Variants in PPM1G observed in about 807,000 individuals in gnomAD.
PPM1G encodes the protein protein phosphatase, Mg2+/Mn2+ dependent 1G.
PPM1G carries 12 observed loss-of-function variants against 59.4 expected under a neutral mutation model. The ratio of observed to expected loss-of-function variants is 0.20; its 90% CI spans 0.13 to 0.33. The LOEUF (loss-of-function observed/expected upper bound fraction) is 0.33, where lower values mean the gene tolerates loss of function less well. Ranked by LOEUF, PPM1G falls within the 10% of genes least tolerant of loss-of-function variation. The pLI is 1.00. For missense variants in PPM1G, 392 were observed against 681.3 expected, an observed-to-expected ratio of 0.58 and a Z score of 4.73; for synonymous variants, 245 against 251.9, an observed-to-expected ratio of 0.97 and a Z score of 0.26.
At chr2:27,392,782 G>C in intron 1 of PPM1G, 1 of 1,460,968 alleles carries the variant, frequency 6.8e-7, no homozygotes, top group Non-Finnish European at 9.5e-7. Flanking sequence ...TTAGCCTGAG[G>C]CTTAGCTTTC....
Position 27,384,171 on chromosome 2 carries a change from G to T in PPM1G, c.826-79C>A. ...CACAGCTCATACTCAGAATCAAGAG[G>T]TCCTGACTGAACACAGGTCCTCAAA... On this transcript the variant is annotated intron_variant, in intron 5 of 9. Coordinates refer to ENST00000344034, the MANE Select transcript of PPM1G (RefSeq NM_177983.3). This position sits in a 1 kb window ranked among gnomAD's most constrained non-coding sequence, Gnocchi z 4.8. 1 of 1,594,560 alleles carries T rather than the reference G, an allele frequency of 6.3e-7. No individual in the cohort carries two copies. The highest frequency in any genetic ancestry group is 8.5e-7 in the Non-Finnish European group (1 of 1,171,344).
intron 3 of PPM1G, 136 bp from the exon 4 acceptor site, chr2:27,386,015 G>A (rs1683755910): frequency 7.7e-7 from 1 of 1,302,390 alleles, no homozygotes; most frequent in Non-Finnish European, 1.1e-6. Flanking sequence ...ACAGCTCAGA[G>A]GCCTAGGAAT....
chr2:27,400,766 TG>T (rs1485584202), intron 1 of PPM1G, among the ~76,000 whole-genome samples: 1 of 152,136 alleles, frequency 6.6e-6, no homozygotes, highest in Non-Finnish European at 1.5e-5. Context: ...CAGAAACAAA[TG>T]GGAGTGCCTA....
intron 1 of PPM1G, among the ~76,000 whole-genome samples, chr2:27,388,825 A>C (rs1369122681): frequency 1.3e-5 from 2 of 150,794 alleles, no homozygotes; most frequent in Non-Finnish European, 2.9e-5. Context: ...CAGTGAGCCG[A>C]GATTGCGCCA....
At chr2:27,388,834 C>A (rs1355937472) in intron 1 of PPM1G, among the ~76,000 whole-genome samples, 6 of 149,980 alleles carry the variant, frequency 4.0e-5, no homozygotes, top group African/African-American at 1.5e-4. Context: ...GAGATTGCGC[C>A]ACTGCACTCC....
chr2:27,397,377 A>C (rs1009945998), intron 1 of PPM1G, among the ~76,000 whole-genome samples: 1 of 152,156 alleles, frequency 6.6e-6, no homozygotes. Flanking sequence ...AAACCAGACA[A>C]AGACATCACA....
chr2:27,382,653 C>T lies in PPM1G; in HGVS notation c.1202-48G>A, dbSNP rs777274430. On this transcript the variant is annotated intron_variant, in intron 7 of 9. Coordinates refer to ENST00000344034, the MANE Select transcript of PPM1G (RefSeq NM_177983.3). The surrounding 1 kb of genome is among the most constrained non-coding windows in gnomAD (Gnocchi z 4.2). Reference sequence around the variant, plus strand: ...GAGCAGTTTGGATACTTCCCACAGACTTGTGTTTGTGGCAGGTCAAACCTT... The same window carrying T: ...GAGCAGTTTGGATACTTCCCACAGATTTGTGTTTGTGGCAGGTCAAACCTT... The T allele has an allele frequency of 1.2e-6, 2 of 1,609,246 alleles. No homozygotes were observed. The highest frequency in any genetic ancestry group is 1.1e-5 in the South Asian group (1 of 90,664).
Position 27,385,411 on chromosome 2 carries a change from G to A in PPM1G, c.410-323C>T, listed in dbSNP as rs1274027736. 9.5e-6 allele frequency: 4 copies of A among 419,006 alleles called. No individual in the cohort carries two copies. The highest frequency in any genetic ancestry group is 2.0e-5 in the African/African-American group (1 of 48,948). 26.0% of individuals were successfully genotyped at this position (419,006 alleles called of 1,614,324 possible). A position where few individuals can be genotyped will look rare whatever the true frequency, so the allele number is the denominator to read the frequency against. ...AAGCCCACAATGCTACTGTGAATTAGGATTTAGGCTTAATGATTGGCTATT... is the reference window on the plus strand; with the variant it reads ...AAGCCCACAATGCTACTGTGAATTAAGATTTAGGCTTAATGATTGGCTATT... On this transcript the variant is annotated intron_variant, in intron 4 of 9. Coordinates refer to ENST00000344034, the MANE Select transcript of PPM1G (RefSeq NM_177983.3). The surrounding 1 kb of genome is among the most constrained non-coding windows in gnomAD (Gnocchi z 4.1).
At chr2:27,396,281 T>G (rs1684052832) in intron 1 of PPM1G, among the ~76,000 whole-genome samples, 1 of 152,034 alleles carries the variant, frequency 6.6e-6, no homozygotes, top group Non-Finnish European at 1.5e-5. Flanking sequence ...CAAAAAAATT[T>G]TTTTTAAATT....
Position 27,383,860 on chromosome 2 carries a change from A to G in PPM1G, c.966+92T>C. The G allele has an allele frequency of 6.6e-7, 1 of 1,507,740 alleles. No homozygotes were observed. Among genetic ancestry groups the G allele is most frequent in the Non-Finnish European group, 9.0e-7 (1 of 1,116,744 alleles). 93.4% of individuals were successfully genotyped at this position (1,507,740 alleles called of 1,614,324 possible). On this transcript the variant is annotated intron_variant, in intron 6 of 9. Transcript: ENST00000344034. The surrounding 1 kb of genome is among the most constrained non-coding windows in gnomAD (Gnocchi z 5.0). ...ATGACTATTACTTCCATCCTAAAGT[A>G]TCAGGGGGATCCCCTGTCTCAAAAT...
At chr2:27,407,132 A>AT (rs1385497085) in intron 1 of PPM1G, among the ~76,000 whole-genome samples, 1 of 151,818 alleles carries the variant, frequency 6.6e-6, no homozygotes, top group African/African-American at 2.4e-5. Flanking sequence ...CATTCAGCTA[A>AT]TTTTTTGTAT....
chr2:27,383,985 C>CTCT lies in PPM1G; in HGVS notation c.930_932dup (p.Glu311dup), dbSNP rs371928915. The CTCT allele has an allele frequency of 7.6e-5, 118 of 1,559,478 alleles. No homozygotes were observed. Among genetic ancestry groups the CTCT allele is most frequent in the Middle Eastern group, 1.7e-4 (1 of 6,000 alleles). On this transcript the variant is annotated inframe_insertion, in exon 6 of 10. Coordinates refer to ENST00000344034, the MANE Select transcript of PPM1G (RefSeq NM_177983.3). This position sits in a 1 kb window ranked among gnomAD's most constrained non-coding sequence, Gnocchi z 5.0. The stretch of plus-strand genomic sequence containing the variant: ...TGCCTTCCATCCCTGGCACCATCAT[C>CTCT]TCTTCTTCTTCTTCTTCATCGTCCT...
chr2:27,383,456 C>A lies in PPM1G; in HGVS notation c.1111G>T (p.Glu371Ter). The change falls in exon 7 of 10, where the codon GAA (glutamate) becomes TAA (stop). Residue 371 changes from glutamate to a stop codon, truncating the protein, a stop_gained. Transcript: ENST00000344034. LOFTEE classifies it high-confidence loss of function. The surrounding 1 kb of genome is among the most constrained non-coding windows in gnomAD (Gnocchi z 5.0). The stretch of plus-strand genomic sequence containing the variant: ...TTCTTGATGCGTGCTAGTTCTACTT[C>A]ATCCTCTGGTTTGTGATCATAGGAC... ...DMSYDHKPED[E>*]VELARIKNAG... The A allele has an allele frequency of 6.2e-7, 1 of 1,614,172 alleles. No homozygotes were observed. Among genetic ancestry groups the A allele is most frequent in the Non-Finnish European group, 8.5e-7 (1 of 1,180,036 alleles).
chr2:27,383,295 A>T lies in PPM1G; in HGVS notation c.1201+71T>A. ...AAAGGCACAAGCACTAGGAAGATTA[A>T]AGTTTGCTACTAGGTAGTCTGGGAC... On this transcript the variant is annotated intron_variant, in intron 7 of 9. Coordinates refer to ENST00000344034, the MANE Select transcript of PPM1G (RefSeq NM_177983.3). This position sits in a 1 kb window ranked among gnomAD's most constrained non-coding sequence, Gnocchi z 5.0. 7.2e-7 allele frequency: 1 copy of T among 1,391,320 alleles called. No homozygotes were observed. The highest frequency in any genetic ancestry group is 1.0e-6 in the Non-Finnish European group (1 of 987,740). 86.2% of individuals were successfully genotyped at this position (1,391,320 alleles called of 1,614,324 possible).
At position 27,386,299 on chromosome 2, in the gene PPM1G, G is replaced by C. The variant is rs1322791858; in HGVS notation, c.191-20C>G. 1 of 1,557,898 alleles carries C rather than the reference G, an allele frequency of 6.4e-7. No homozygotes were observed. The highest frequency in any genetic ancestry group is 1.1e-5 in the South Asian group (1 of 89,768). Reference sequence around the variant, plus strand: ...CCTCCCCTAGAAGGAAAGGAAGGAAGGTCACCTGGAGCACTGCTCCCCACA... The same window carrying C: ...CCTCCCCTAGAAGGAAAGGAAGGAACGTCACCTGGAGCACTGCTCCCCACA... On this transcript the variant is annotated intron_variant, in intron 2 of 9. Coordinates refer to ENST00000344034, the MANE Select transcript of PPM1G (RefSeq NM_177983.3).
In PPM1G at chr2:27,382,241, A is replaced by G. The variant is rs1683651051; in HGVS notation, c.1332-13T>C. The stretch of plus-strand genomic sequence containing the variant: ...GCTCATCACATTCCTGGGGTCAAGA[A>G]CAACAGTCAGAATCTTCCAGTCTCA... On this transcript the variant is annotated splice_polypyrimidine_tract_variant and intron_variant, in intron 8 of 9. Transcript: ENST00000344034. The surrounding 1 kb of genome is among the most constrained non-coding windows in gnomAD (Gnocchi z 4.2). The G allele has an allele frequency of 1.2e-6, 2 of 1,612,188 alleles. No homozygotes were observed. The highest frequency in any genetic ancestry group is 1.3e-5 in the African/African-American group (1 of 74,910).
chr2:27,391,349 A>G (rs1044395160), intron 1 of PPM1G, among the ~76,000 whole-genome samples: 1 of 152,096 alleles, frequency 6.6e-6, no homozygotes, highest in African/African-American at 2.4e-5. Flanking sequence ...AACGTTTCTC[A>G]TTTTTTGACA....
At chr2:27,399,513 A>C (rs1391556391) in intron 1 of PPM1G, among the ~76,000 whole-genome samples, 1 of 152,182 alleles carries the variant, frequency 6.6e-6, no homozygotes, top group Admixed American at 6.5e-5. Flanking sequence ...TCTCTACTAG[A>C]AATACAAAAA....
intron 1 of PPM1G, among the ~76,000 whole-genome samples, chr2:27,406,228 T>G (rs958890813): frequency 1.3e-5 from 2 of 152,134 alleles, no homozygotes; most frequent in African/African-American, 4.8e-5. Context: ...ATAGGGTAAA[T>G]AAACTTTATT....
Sources: allele counts gnomAD v4.1 joint callset (sites outside exome capture counted in the v4.1 genomes callset), GRCh38; gene constraint gnomAD v4.1.1; non-coding constraint Gnocchi (gnomAD v3.1); transcripts MANE v1.5; gene names NCBI Gene and HGNC (gene_info 2026-07-23, HGNC 2026-07-21).